The following KCNIP4 variants were observed in gnomAD, a reference collection of about 807,000 sequenced individuals.
KCNIP4 encodes potassium voltage-gated channel interacting protein 4, also known as Kv channel-interacting protein 4.
KCNIP4 carries 12 observed loss-of-function variants against 34.0 expected under a neutral mutation model. The ratio of observed to expected loss-of-function variants is 0.35; its 90% CI spans 0.23 to 0.57. The LOEUF is 0.57. Among genes scored for constraint, KCNIP4 ranks in the 20% least tolerant of loss-of-function variants. KCNIP4 has a pLI of 0.83. For synonymous variants in KCNIP4, 124 were observed against 102.2 expected (o/e 1.21, Z -1.29); for missense variants, 238 against 311.7 (o/e 0.76, Z 1.78).
chr4:21,654,713 G>A (rs1215085494), intron 1 of KCNIP4, among the ~76,000 whole-genome samples: 1 of 152,048 alleles, frequency 6.6e-6, no homozygotes, highest in Non-Finnish European at 1.5e-5. Flanking sequence ...CACGAGGTCA[G>A]GAGATCGAGA....
chr4:21,824,616 A>G (rs773361796), intron 1 of KCNIP4, among the ~76,000 whole-genome samples: 1 of 152,164 alleles, frequency 6.6e-6, no homozygotes, highest in Non-Finnish European at 1.5e-5. Flanking sequence ...CCTTGCACCC[A>G]CAAAATTATC....
At chr4:20,811,508 TGTGTGTGC>T (rs1416681950) in intron 3 of KCNIP4, among the ~76,000 whole-genome samples, 106 of 98,744 alleles carry the variant, frequency 1.1e-3, no homozygotes, top group African/African-American at 3.0e-3. Context: ...TGTGTGTGTG[TGTGTGTGC>T]GCGCGCGCAC....
chr4:21,020,536 C>T (rs1739941866), intron 1 of KCNIP4, among the ~76,000 whole-genome samples: 1 of 152,202 alleles, frequency 6.6e-6, no homozygotes, highest in African/African-American at 2.4e-5. Flanking sequence ...ACGTACCCAC[C>T]CTAAAAGGAC....
intron 1 of KCNIP4, among the ~76,000 whole-genome samples, chr4:21,753,168 G>T (rs1036159253): frequency 2.6e-5 from 4 of 152,178 alleles, no homozygotes; most frequent in African/African-American, 7.2e-5. Flanking sequence ...GCAGGGCAGG[G>T]TAAAGTGTAG....
At chr4:21,629,641 T>C (rs1405862763) in intron 1 of KCNIP4, among the ~76,000 whole-genome samples, 1 of 152,118 alleles carries the variant, frequency 6.6e-6, no homozygotes. Flanking sequence ...GATGTCACCA[T>C]CACGAAGCTA....
At chr4:21,470,258 G>A (rs1441835635) in intron 1 of KCNIP4, among the ~76,000 whole-genome samples, 2 of 152,112 alleles carry the variant, frequency 1.3e-5, no homozygotes, top group African/African-American at 2.4e-5. Context: ...GAGAAGGGAG[G>A]GAGATTAGCT....
At chr4:21,874,174 A>G (rs1314383049) in intron 1 of KCNIP4, among the ~76,000 whole-genome samples, 1 of 152,368 alleles carries the variant, frequency 6.6e-6, no homozygotes, top group South Asian at 2.1e-4. Flanking sequence ...ATTCGATTAC[A>G]ATGTACACAA....
At chr4:21,623,245 G>A (rs1392800488) in intron 1 of KCNIP4, among the ~76,000 whole-genome samples, 2 of 152,296 alleles carry the variant, frequency 1.3e-5, no homozygotes, top group East Asian at 3.9e-4. Context: ...CACACACTGA[G>A]TCAAATCTTA....
intron 3 of KCNIP4, among the ~76,000 whole-genome samples, chr4:20,798,187 A>G (rs535283611): frequency 2.6e-5 from 4 of 152,372 alleles, no homozygotes; most frequent in African/African-American, 9.6e-5. Context: ...CCCTCACCTT[A>G]AAGACTATGT....
At chr4:20,877,455 G>A (rs1724181063) in intron 2 of KCNIP4, among the ~76,000 whole-genome samples, 1 of 151,980 alleles carries the variant, frequency 6.6e-6, no homozygotes, top group African/African-American at 2.4e-5. Context: ...GAATTTCAGT[G>A]TTGGAAAGTA....
chr4:21,119,568 T>G lies in KCNIP4; in HGVS notation c.62-236859A>C, dbSNP rs137993954. Among the ~76,000 whole-genome samples, 507 of 151,648 alleles carry G rather than the reference T, an allele frequency of 3.3e-3. 1 individual carries two copies. The highest frequency in any genetic ancestry group is 0.011 in the African/African-American group (461 of 41,404). On this transcript the variant is annotated intron_variant, in intron 1 of 8. Transcript: ENST00000382152. Reference sequence around the variant, plus strand: ...TAAAAATAACTAGCGTAACCAAACATAGAGAGAAACATTTTCTTGTTAAGG... The same window carrying G: ...TAAAAATAACTAGCGTAACCAAACAGAGAGAGAAACATTTTCTTGTTAAGG...
At chr4:20,730,994 A>G (rs1470746026) in intron 8 of KCNIP4, among the ~76,000 whole-genome samples, 2 of 152,226 alleles carry the variant, frequency 1.3e-5, no homozygotes, top group African/African-American at 4.8e-5. Flanking sequence ...AGACATCCAG[A>G]AAAGTAAGAA....
intron 3 of KCNIP4, among the ~76,000 whole-genome samples, chr4:20,812,132 TA>T (rs1175555556): frequency 3.3e-5 from 5 of 152,224 alleles, no homozygotes; most frequent in Non-Finnish European, 7.3e-5. Context: ...AAGACAGAGC[TA>T]AAATAGCAGC....
intron 1 of KCNIP4, among the ~76,000 whole-genome samples, chr4:21,261,448 A>G (rs1761462861): frequency 6.6e-6 from 1 of 152,198 alleles, no homozygotes; most frequent in Non-Finnish European, 1.5e-5. Context: ...AATTCCCTGT[A>G]TTAAAACCAC....
chr4:21,892,340 C>A (rs1205108164), intron 1 of KCNIP4, among the ~76,000 whole-genome samples: 1 of 151,016 alleles, frequency 6.6e-6, no homozygotes, highest in African/African-American at 2.4e-5. Context: ...AAAGGTGAAT[C>A]TAGGCTATGC....
chr4:21,521,876 T>C (rs1414101112), intron 1 of KCNIP4, among the ~76,000 whole-genome samples: 1 of 151,954 alleles, frequency 6.6e-6, no homozygotes, highest in Non-Finnish European at 1.5e-5. Flanking sequence ...GTGGAAAGCA[T>C]GTGTGAATTG....
At chr4:21,006,363 T>A (rs10011532) in intron 1 of KCNIP4, among the ~76,000 whole-genome samples, 3,565 of 152,304 alleles carry the variant, frequency 0.023, 147 homozygotes, top group African/African-American at 0.081. Flanking sequence ...AAGAGGTAAC[T>A]TTTGAATTTC....
intron 1 of KCNIP4, among the ~76,000 whole-genome samples, chr4:21,900,799 TA>T (rs1727664044): frequency 6.6e-6 from 1 of 152,174 alleles, no homozygotes; most frequent in Non-Finnish European, 1.5e-5. Flanking sequence ...TCCATTGCAG[TA>T]AGTACATGCT....
intron 1 of KCNIP4, among the ~76,000 whole-genome samples, chr4:21,313,765 C>G (rs958814879): frequency 2.0e-5 from 3 of 152,174 alleles, no homozygotes; most frequent in Non-Finnish European, 2.9e-5. Context: ...CTAAAACTCT[C>G]TTGAAGGGTC....
Sources: gnomAD v4.1 joint callset for allele counts (sites outside exome capture counted in the v4.1 genomes callset) on GRCh38, gnomAD v4.1.1 for gene constraint, MANE v1.5 for transcripts, NCBI Gene and HGNC (gene_info 2026-07-23, HGNC 2026-07-21) for gene names.